The following NARS2 variants were observed in gnomAD, a reference collection of about 807,000 sequenced individuals.
NARS2 encodes the protein asparaginyl-tRNA synthetase.
NARS2 carries 60 observed loss-of-function variants against 62.9 expected under a neutral mutation model. The observed-to-expected ratio is 0.95, with a 90% CI of 0.77 to 1.18. The LOEUF (loss-of-function observed/expected upper bound fraction) is 1.18, where lower values mean the gene tolerates loss of function less well. Ranked by LOEUF, NARS2 falls within the 50% of genes most tolerant of loss-of-function variation. The pLI is 0.00. For synonymous variants in NARS2, 196 were observed against 200.0 expected, an observed-to-expected ratio of 0.98 and a Z score of 0.17; for missense variants, 619 against 576.4, an observed-to-expected ratio of 1.07 and a Z score of -0.76.
chr11:78,502,522 T>TA (rs1860318999), intron 6 of NARS2, among the ~76,000 whole-genome samples: 2 of 152,302 alleles, frequency 1.3e-5, no homozygotes, highest in South Asian at 2.1e-4. Context: ...CAATACAACA[T>TA]ATGAATCCTA....
intron 5 of NARS2, among the ~76,000 whole-genome samples, chr11:78,545,184 A>G (rs1455146292): frequency 1.3e-5 from 2 of 152,228 alleles, no homozygotes; most frequent in African/African-American, 4.8e-5. Context: ...TTAAGTGTAT[A>G]AAAAGTTTAT....
intron 3 of NARS2, among the ~76,000 whole-genome samples, chr11:78,568,092 C>T (rs1462502146): frequency 6.6e-6 from 1 of 152,174 alleles, no homozygotes; most frequent in East Asian, 1.9e-4. Context: ...CTAAGCCTTA[C>T]AATACTACTG....
intron 6 of NARS2, among the ~76,000 whole-genome samples, chr11:78,505,114 C>A (rs576657438): frequency 2.1e-4 from 32 of 151,350 alleles, no homozygotes; most frequent in African/African-American, 7.8e-4. Flanking sequence ...AAATTCACAC[C>A]CACTGCATGA....
At chr11:78,479,854 C>A (rs550539419) in intron 7 of NARS2, among the ~76,000 whole-genome samples, 1 of 152,222 alleles carries the variant, frequency 6.6e-6, no homozygotes, top group African/African-American at 2.4e-5. Context: ...CACTTAAATA[C>A]CAGTGACAAC....
intron 9 of NARS2, among the ~76,000 whole-genome samples, chr11:78,476,755 C>T (rs1165337439): frequency 6.6e-6 from 1 of 152,044 alleles, no homozygotes; most frequent in Non-Finnish European, 1.5e-5. Context: ...AGGACATTTT[C>T]CAACCTTAAC....
At chr11:78,448,826 T>G (rs1167011456) in intron 11 of NARS2, among the ~76,000 whole-genome samples, 1 of 152,204 alleles carries the variant, frequency 6.6e-6, no homozygotes, top group Non-Finnish European at 1.5e-5. Context: ...ATGAGAGATG[T>G]ACTTGTTGCT....
intron 11 of NARS2, among the ~76,000 whole-genome samples, chr11:78,460,555 T>C (rs910986792): frequency 1.3e-5 from 2 of 152,036 alleles, no homozygotes; most frequent in East Asian, 1.9e-4. Context: ...GAGAAATGAA[T>C]GGATGTGAGA....
At position 78,543,173 on chromosome 11, in the gene NARS2, G is replaced by A. The variant is rs140755346; in HGVS notation, c.595-14237C>T. Among the ~76,000 whole-genome samples the A allele has an allele frequency of 5.6e-3, 853 of 151,850 alleles. 3 individuals are homozygous for A. The highest frequency in any genetic ancestry group is 0.014 in the Middle Eastern group (4 of 294). ...AGCCTGGGCAACAGAGCAAAACTAC[G>A]TGTCAAAAAAAAAGAATAAGCCATT... On this transcript the variant is annotated intron_variant, in intron 5 of 13. Transcript: ENST00000281038.
At chr11:78,536,683 A>G (rs1555035340) in intron 5 of NARS2, among the ~76,000 whole-genome samples, 1 of 152,210 alleles carries the variant, frequency 6.6e-6, no homozygotes, top group Non-Finnish European at 1.5e-5. Flanking sequence ...AAAAAGTTAG[A>G]GTACGCTAAG....
At chr11:78,440,256 G>T (rs56060361) in intron 13 of NARS2, among the ~76,000 whole-genome samples, 7,043 of 151,972 alleles carry the variant, frequency 0.046, 522 homozygotes, top group African/African-American at 0.16. Flanking sequence ...TAGAGACAGG[G>T]TTTCACCATG....
intron 6 of NARS2, among the ~76,000 whole-genome samples, chr11:78,514,477 T>G (rs576279243): frequency 3.3e-5 from 5 of 152,180 alleles, no homozygotes; most frequent in Non-Finnish European, 7.4e-5. Flanking sequence ...TACAGTAACC[T>G]GCACTTGCTT....
At chr11:78,570,517 A>G (rs904525272) in intron 2 of NARS2, among the ~76,000 whole-genome samples, 12 of 152,196 alleles carry the variant, frequency 7.9e-5, no homozygotes, top group Admixed American at 2.0e-4. Context: ...CCGCCCGAGT[A>G]GTGGAGATTA....
intron 6 of NARS2, among the ~76,000 whole-genome samples, chr11:78,494,658 A>G (rs917717998): frequency 6.6e-6 from 1 of 152,084 alleles, no homozygotes; most frequent in African/African-American, 2.4e-5. Context: ...TGAGAACCTT[A>G]GTTTTTATTG....
At chr11:78,501,236 C>A (rs1427668887) in intron 6 of NARS2, among the ~76,000 whole-genome samples, 2 of 152,190 alleles carry the variant, frequency 1.3e-5, no homozygotes, top group Non-Finnish European at 2.9e-5. Context: ...TTATAAGTTT[C>A]TTTAATGTCT....
intron 6 of NARS2, among the ~76,000 whole-genome samples, chr11:78,514,471 G>T (rs746105337): frequency 2.6e-5 from 4 of 152,156 alleles, no homozygotes; most frequent in Admixed American, 6.5e-5. Flanking sequence ...TCTCACTACA[G>T]TAACCTGCAC....
chr11:78,559,041 A>G (rs576964229), intron 5 of NARS2, among the ~76,000 whole-genome samples: 2 of 152,268 alleles, frequency 1.3e-5, no homozygotes, highest in South Asian at 4.1e-4. Context: ...ATGGTGGCTC[A>G]CACCTGTAAT....
At chr11:78,468,320 A>G (rs1016199471) in intron 10 of NARS2, among the ~76,000 whole-genome samples, 3 of 149,174 alleles carry the variant, frequency 2.0e-5, no homozygotes, top group African/African-American at 4.9e-5. Context: ...GAAAAAAAAA[A>G]AAAAAAAAGA....
At chr11:78,538,757 A>G (rs1434948349) in intron 5 of NARS2, among the ~76,000 whole-genome samples, 1 of 151,862 alleles carries the variant, frequency 6.6e-6, no homozygotes, top group Non-Finnish European at 1.5e-5. Context: ...GCACTTTGGG[A>G]GGCCGAGGCG....
At chr11:78,491,872 A>G (rs1011872249) in intron 7 of NARS2, among the ~76,000 whole-genome samples, 1 of 152,152 alleles carries the variant, frequency 6.6e-6, no homozygotes, top group African/African-American at 2.4e-5. Context: ...TATGGTATTT[A>G]TGTTTTAAGT....
Sources: gnomAD v4.1 joint callset for allele counts (sites outside exome capture counted in the v4.1 genomes callset) on GRCh38, gnomAD v4.1.1 for gene constraint, MANE v1.5 for transcripts, NCBI Gene and HGNC (gene_info 2026-07-23, HGNC 2026-07-21) for gene names.